Variants in IFT81 observed in about 807,000 individuals in gnomAD.
IFT81 encodes the protein intraflagellar transport 81.
A neutral mutation model predicts 102.6 loss-of-function variants in IFT81; 72 were observed. The ratio of observed to expected loss-of-function variants is 0.70; its 90% CI spans 0.58 to 0.85. IFT81 has a LOEUF of 0.85. Ranked by LOEUF, IFT81 falls within the 40% of genes least tolerant of loss-of-function variation. The probability of loss-of-function intolerance (pLI) is 0.00; values close to 1 mark genes in which losing one functional copy is unlikely to be tolerated. For missense variants in IFT81, 723 were observed against 787.3 expected, an observed-to-expected ratio of 0.92 and a Z score of 0.98; for synonymous variants, 237 against 242.7, an observed-to-expected ratio of 0.98 and a Z score of 0.22.
chr12:110,186,939 G>A (rs1339195351), intron 12 of IFT81, among the ~76,000 whole-genome samples: 7 of 151,808 alleles, frequency 4.6e-5, no homozygotes, highest in Non-Finnish European at 8.8e-5. Context: ...TATGGGCTTT[G>A]TGTTTTTCTT....
Position 110,170,617 on chromosome 12 carries a change from G to A in IFT81, c.1188+7552G>A, listed in dbSNP as rs148920059. On this transcript the variant is annotated intron_variant, in intron 11 of 18. Coordinates refer to ENST00000242591, the MANE Select transcript of IFT81 (RefSeq NM_014055.4). ...CCCTTCCCAGAGTGGTCATTCAGATGAATGCATGCCTTTGGGATCTGAATT... is the reference window on the plus strand; with the variant it reads ...CCCTTCCCAGAGTGGTCATTCAGATAAATGCATGCCTTTGGGATCTGAATT... Among the ~76,000 whole-genome samples the A allele has an allele frequency of 5.8e-4, 88 of 152,296 alleles. 1 individual carries two copies. Among genetic ancestry groups the A allele is most frequent in the African/African-American group, 2.0e-3 (84 of 41,560 alleles).
intron 12 of IFT81, among the ~76,000 whole-genome samples, chr12:110,185,298 G>T (rs768116426): frequency 6.6e-6 from 1 of 151,844 alleles, no homozygotes; most frequent in Admixed American, 6.6e-5. Flanking sequence ...TGATTCTCCC[G>T]CCTCAGCCTC....
At chr12:110,125,156 C>T (rs1169092614) in intron 1 of IFT81, among the ~76,000 whole-genome samples, 6 of 152,034 alleles carry the variant, frequency 3.9e-5, no homozygotes, top group Non-Finnish European at 8.8e-5. Flanking sequence ...CATATTTCTG[C>T]ACGCAAAGGT....
rs781717283 is a variant in IFT81 at position 110,134,939 on chromosome 12, A to C, written c.520-9A>C. On this transcript the variant is annotated splice_polypyrimidine_tract_variant and intron_variant, in intron 5 of 18. Coordinates refer to ENST00000242591, the MANE Select transcript of IFT81 (RefSeq NM_014055.4). The stretch of plus-strand genomic sequence containing the variant: ...TTTTTCTTATAAGGTCTTCTTTGCC[A>C]CTTTTTAGGATATCAGTGCAATGGA... 3.7e-6 allele frequency: 6 copies of C among 1,604,138 alleles called. No homozygotes were observed. Among genetic ancestry groups the C allele is most frequent in the Middle Eastern group, 3.3e-4 (2 of 6,036 alleles).
At chr12:110,208,255 G>A (rs1372751866) in intron 17 of IFT81, among the ~76,000 whole-genome samples, 1 of 152,096 alleles carries the variant, frequency 6.6e-6, no homozygotes, top group Non-Finnish European at 1.5e-5. Flanking sequence ...TGTAATCCTA[G>A]CATTTGGGAA....
At chr12:110,190,356 C>T (rs942465187) in intron 12 of IFT81, among the ~76,000 whole-genome samples, 9 of 152,186 alleles carry the variant, frequency 5.9e-5, no homozygotes, top group Non-Finnish European at 8.8e-5. Context: ...TCACTTCCTA[C>T]GGGGCTTTGC....
Position 110,198,849 on chromosome 12 carries a change from G to A in IFT81, c.1558-5015G>A, listed in dbSNP as rs566989993. Among the ~76,000 whole-genome samples the A allele has an allele frequency of 2.8e-3, 376 of 136,160 alleles. 5 individuals are homozygous for A. The highest frequency in any genetic ancestry group is 9.7e-3 in the African/African-American group (350 of 36,106). The allele number at this position is 136,160 out of a possible 152,430, so 89.3% of individuals were successfully genotyped here. A position where few individuals can be genotyped will look rare whatever the true frequency, so the allele number is the denominator to read the frequency against. Reference sequence around the variant, plus strand: ...TTCTTGAGACAGAGTCTTGCTCTTCGCCCAGGCTGGAGTGCAGTGTTGCAG... The same window carrying A: ...TTCTTGAGACAGAGTCTTGCTCTTCACCCAGGCTGGAGTGCAGTGTTGCAG... On this transcript the variant is annotated intron_variant, in intron 14 of 18. Transcript: ENST00000242591.
At position 110,191,106 on chromosome 12, in the gene IFT81, G is replaced by T. The variant is rs1897777620; in HGVS notation, c.1467+58G>T. 2.8e-6 allele frequency: 4 copies of T among 1,432,020 alleles called. No homozygotes were observed. In the South Asian group the frequency reaches 5.5e-5, roughly 20 times the overall value. 88.7% of individuals were successfully genotyped at this position (1,432,020 alleles called of 1,614,324 possible). A position where few individuals can be genotyped will look rare whatever the true frequency, so the allele number is the denominator to read the frequency against. ...TGTGTAGCTAGAAGGCAGGTGTTTT[G>T]TGTTAGTTTTATTTTCAGTGAAACA... On this transcript the variant is annotated intron_variant, in intron 13 of 18. Transcript: ENST00000242591.
intron 15 of IFT81, 21 bp downstream of exon 15, chr12:110,203,971 T>C: frequency 6.5e-7 from 1 of 1,548,616 alleles, no homozygotes; most frequent in Non-Finnish European, 8.8e-7. Flanking sequence ...AGTTTTTATT[T>C]TAACAATTTA....
intron 3 of IFT81, among the ~76,000 whole-genome samples, chr12:110,128,580 A>T (rs1893977527): frequency 6.6e-6 from 1 of 151,750 alleles, no homozygotes. Context: ...ACTTGAGCTC[A>T]GGAGTTTGAG....
At chr12:110,137,921 A>T (rs2137330640) in intron 8 of IFT81, among the ~76,000 whole-genome samples, 1 of 152,348 alleles carries the variant, frequency 6.6e-6, no homozygotes, top group East Asian at 1.9e-4. Context: ...CTAATGACGT[A>T]GGTATCTCTG....
intron 11 of IFT81, among the ~76,000 whole-genome samples, chr12:110,163,322 C>T (rs1178927639): frequency 1.3e-5 from 2 of 151,908 alleles, no homozygotes; most frequent in Non-Finnish European, 2.9e-5. Flanking sequence ...CTCACTGCAA[C>T]CTCCGCCTAC....
At chr12:110,154,368 C>T (rs1427598925) in intron 10 of IFT81, among the ~76,000 whole-genome samples, 5 of 149,882 alleles carry the variant, frequency 3.3e-5, no homozygotes, top group Non-Finnish European at 7.5e-5. Context: ...CGGTGACTCA[C>T]GCCTGTAGTC....
At chr12:110,131,910 G>T (rs780051951) in intron 4 of IFT81, among the ~76,000 whole-genome samples, 3 of 152,188 alleles carry the variant, frequency 2.0e-5, no homozygotes, top group Non-Finnish European at 4.4e-5. Context: ...AGTTGCTTAA[G>T]TTATGGGTGA....
At chr12:110,150,503 T>C (rs1895466773) in intron 10 of IFT81, among the ~76,000 whole-genome samples, 1 of 152,236 alleles carries the variant, frequency 6.6e-6, no homozygotes, top group Non-Finnish European at 1.5e-5. Flanking sequence ...GATTCAGGAC[T>C]ACTTGGTTTT....
intron 14 of IFT81, chr12:110,203,647 G>A: frequency 1.9e-6 from 1 of 536,098 alleles, no homozygotes; most frequent in East Asian, 3.3e-5. Flanking sequence ...TCCTAACAAA[G>A]AACCTGGCAC....
chr12:110,139,818 T>TAAATAAAATAAAATAAAATA lies in IFT81; in HGVS notation c.781+2971_781+2990dup, dbSNP rs749031924. ...ATACATACAATAAAATAAAATAAAA[T>TAAATAAAATAAAATAAAATA]AAATAAAATAAAATAAAATAAAATA... is the stretch of plus-strand genomic sequence containing the variant. On this transcript the variant is annotated intron_variant, in intron 8 of 18. Transcript: ENST00000242591. Among the ~76,000 whole-genome samples the TAAATAAAATAAAATAAAATA allele has an allele frequency of 8.3e-4, 88 of 105,504 alleles. 1 individual carries two copies. Among genetic ancestry groups the TAAATAAAATAAAATAAAATA allele is most frequent in the African/African-American group, 3.1e-3 (87 of 27,742 alleles). 69.2% of individuals were successfully genotyped at this position (105,504 alleles called of 152,430 possible).
rs576190154 is a variant in IFT81, at chr12:110,150,978, A to G, written c.1041+3930A>G. ...AACAATATATGCTGGTGATCATTCC[A>G]TAGTAGAAAAAATTTTGTTCCTTTT... On this transcript the variant is annotated intron_variant, in intron 10 of 18. Coordinates refer to ENST00000242591, the MANE Select transcript of IFT81 (RefSeq NM_014055.4). 5.3e-5 allele frequency among the ~76,000 whole-genome samples: 8 copies of G among 152,254 alleles called. No individual in the cohort carries two copies. In the East Asian group the frequency reaches 1.2e-3, roughly 22 times the overall value.
chr12:110,183,601 T>G (rs1223648826), intron 12 of IFT81, among the ~76,000 whole-genome samples: 1 of 152,234 alleles, frequency 6.6e-6, no homozygotes, highest in East Asian at 1.9e-4. Context: ...TCCTTTCCAC[T>G]TGGTTGTTCA....
Sources: gnomAD v4.1 joint callset for allele counts (sites outside exome capture counted in the v4.1 genomes callset) on GRCh38, gnomAD v4.1.1 for gene constraint, MANE v1.5 for transcripts, NCBI Gene and HGNC (gene_info 2026-07-23, HGNC 2026-07-21) for gene names.